The following PXN variants were observed in gnomAD, a reference collection of about 807,000 sequenced individuals.
PXN encodes testicular tissue protein Li 134.
Under a neutral mutation model 103.6 loss-of-function variants are expected in PXN, and 61 were observed. The ratio of observed to expected loss-of-function variants is 0.59; its 90% CI spans 0.48 to 0.73. The LOEUF (loss-of-function observed/expected upper bound fraction) is 0.73. Among genes scored for constraint, PXN ranks in the 30% least tolerant of loss-of-function variants. The pLI, the probability that PXN is intolerant of heterozygous loss-of-function variation, is 0.00. For missense variants in PXN, 1,274 were observed against 1,460.3 expected (o/e 0.87, Z 2.08); for synonymous variants, 562 against 607.8 (o/e 0.92, Z 1.11).
chr12:120,214,096 C>T lies in PXN; in HGVS notation c.2830+40G>A. ...CTCCCACCCCCACCTCCCCGGCCCT[C>T]CTAAGAGGCGGTGGGTCAGTCCGCC... On this transcript the variant is annotated intron_variant, in intron 13 of 14. Transcript: ENST00000637617. The surrounding 1 kb of genome is among the most constrained non-coding windows in gnomAD (Gnocchi z 5.0). 6.4e-7 allele frequency: 1 copy of T among 1,557,196 alleles called. No homozygotes were observed. The highest frequency in any genetic ancestry group is 1.7e-4 in the Middle Eastern group (1 of 5,952).
At chr12:120,234,850 C>T (rs934736495) in intron 1 of PXN, among the ~76,000 whole-genome samples, 1 of 152,218 alleles carries the variant, frequency 6.6e-6, no homozygotes, top group Admixed American at 6.5e-5. Flanking sequence ...AATAGATCCA[C>T]ATCACTGATT....
chr12:120,221,765 G>T lies in PXN; in HGVS notation c.696-7C>A. ...GTTCACAGTGATGGCAGGGCTGCAG[G>T]GTGGGCACAGCATCAGTGGGGAGCC... is the stretch of plus-strand genomic sequence containing the variant. On this transcript the variant is annotated splice_region_variant and splice_polypyrimidine_tract_variant and intron_variant, in intron 5 of 14. Coordinates refer to ENST00000637617, the MANE Select transcript of PXN (RefSeq NM_001385981.1). The surrounding 1 kb of genome is among the most constrained non-coding windows in gnomAD (Gnocchi z 6.6). 1 of 1,560,498 alleles carries T rather than the reference G, an allele frequency of 6.4e-7. No homozygotes were observed.
intron 1 of PXN, among the ~76,000 whole-genome samples, chr12:120,246,941 T>C (rs1891270736): frequency 6.6e-6 from 1 of 151,082 alleles, no homozygotes; most frequent in South Asian, 2.1e-4. Context: ...GGCAGGAGGA[T>C]CACTTGAGCC....
At chr12:120,218,042 AT>A (rs1167466002) in intron 7 of PXN, among the ~76,000 whole-genome samples, 11,815 of 99,194 alleles carry the variant, frequency 0.12, 419 homozygotes, top group East Asian at 0.38. Context: ...AGCTTGGGGG[AT>A]TTTTTTTTTT....
At position 120,214,775 on chromosome 12, in the gene PXN, G is replaced by A. The variant is rs1882013480; in HGVS notation, c.2748+50C>T. ...CCCCCTGCATCCTCAGAGGGCTGCG[G>A]TGAAGCTGGAATGAGCGGAAGCGGG... On this transcript the variant is annotated intron_variant, in intron 12 of 14. Transcript: ENST00000637617. The surrounding 1 kb of genome is among the most constrained non-coding windows in gnomAD (Gnocchi z 5.0). 1.9e-6 allele frequency: 3 copies of A among 1,604,552 alleles called. No homozygotes were observed. Among genetic ancestry groups the A allele is most frequent in the African/African-American group, 1.3e-5 (1 of 74,920 alleles).
intron 1 of PXN, among the ~76,000 whole-genome samples, chr12:120,248,908 G>A (rs534030571): frequency 1.5e-4 from 23 of 152,156 alleles, no homozygotes; most frequent in African/African-American, 4.1e-4. Flanking sequence ...AGGCTGAGGC[G>A]GGTGGATCAC....
rs1884935797 is a variant in PXN, at chr12:120,220,888, A to G, written c.831+735T>C. On this transcript the variant is annotated intron_variant, in intron 6 of 14. Transcript: ENST00000637617. The surrounding 1 kb of genome is among the most constrained non-coding windows in gnomAD (Gnocchi z 6.1). ...CCTAGGTCATGCCCCAAAGGTCTCC[A>G]GCTGACCCACGTGGAAGTATGAAGT... 6.6e-6 allele frequency among the ~76,000 whole-genome samples: 1 copy of G among 152,188 alleles called. No individual in the cohort carries two copies. Among genetic ancestry groups the G allele is most frequent in the African/African-American group, 2.4e-5 (1 of 41,444 alleles).
At position 120,265,368 on chromosome 12, in the gene PXN, G is replaced by C. The variant is rs1275839236; in HGVS notation, c.13+249C>G. On this transcript the variant is annotated intron_variant, in intron 1 of 14. Transcript: ENST00000637617. This position sits in a 1 kb window ranked among gnomAD's most constrained non-coding sequence, Gnocchi z 5.7. Reference sequence around the variant, plus strand: ...GAGATGGTGATGGGTCCCCGAGGTCGGGGGTCCAGAGGTGAAGCCGTCCCA... The same window carrying C: ...GAGATGGTGATGGGTCCCCGAGGTCCGGGGTCCAGAGGTGAAGCCGTCCCA... 6.6e-6 allele frequency among the ~76,000 whole-genome samples: 1 copy of C among 152,132 alleles called. No individual in the cohort carries two copies. Among genetic ancestry groups the C allele is most frequent in the African/African-American group, 2.4e-5 (1 of 41,442 alleles).
chr12:120,233,892 T>C (rs58849749), intron 1 of PXN, among the ~76,000 whole-genome samples: 217 of 152,260 alleles, frequency 1.4e-3, no homozygotes, highest in African/African-American at 5.1e-3. Context: ...ACCTCTATCA[T>C]CATTCACCTG....
rs770644352 is a variant in PXN, at chr12:120,212,193, G to T, written c.*121C>A. ...GGCCCTCTGTCCATCCCGCACCAGC[G>T]GAGGACAAGGGTTCCAGTTTCAGTC... is the stretch of plus-strand genomic sequence containing the variant. On this transcript the variant is annotated 3_prime_UTR_variant, in exon 15 of 15. Transcript: ENST00000637617. The surrounding 1 kb of genome is among the most constrained non-coding windows in gnomAD (Gnocchi z 7.2). The T allele has an allele frequency of 7.2e-7, 1 of 1,392,288 alleles. No homozygotes were observed. The highest frequency in any genetic ancestry group is 2.1e-5 in the Admixed American group (1 of 48,220). 86.2% of individuals were successfully genotyped at this position (1,392,288 alleles called of 1,614,324 possible).
chr12:120,235,968 A>T (rs929229603), intron 1 of PXN, among the ~76,000 whole-genome samples: 2 of 152,208 alleles, frequency 1.3e-5, no homozygotes, highest in Non-Finnish European at 2.9e-5. Context: ...CACTGTAGGC[A>T]CCAAACCAGC....
chr12:120,253,236 G>A (rs1216572505), intron 1 of PXN, among the ~76,000 whole-genome samples: 1 of 152,116 alleles, frequency 6.6e-6, no homozygotes, highest in Non-Finnish European at 1.5e-5. Context: ...TCTTTGGAAG[G>A]CCAAGGCAGG....
In PXN at chr12:120,215,093, C is replaced by A. The variant is rs1487348462; in HGVS notation, c.2574+10G>T. ...CACTGGCCACACCCCTGCCCACTCC[C>A]CCTCATCACCTGCCCGGCGATGGGC... On this transcript the variant is annotated intron_variant, in intron 11 of 14. Transcript: ENST00000637617. The surrounding 1 kb of genome is among the most constrained non-coding windows in gnomAD (Gnocchi z 4.9). 6.3e-7 allele frequency: 1 copy of A among 1,584,446 alleles called. No homozygotes were observed. The highest frequency in any genetic ancestry group is 1.2e-5 in the South Asian group (1 of 86,632).
At chr12:120,223,057 T>C in intron 3 of PXN, 58 bp from the exon 4 acceptor site, 1 of 1,611,768 alleles carries the variant, frequency 6.2e-7, no homozygotes, top group Non-Finnish European at 8.5e-7. Flanking sequence ...TGTACTGGCT[T>C]GGCAGTTCCC....
chr12:120,255,396 T>C (rs910816018), intron 1 of PXN, among the ~76,000 whole-genome samples: 1 of 152,108 alleles, frequency 6.6e-6, no homozygotes, highest in African/African-American at 2.4e-5. Flanking sequence ...TCAGACTGTG[T>C]TAAAATTTAA....
chr12:120,240,951 TTC>T (rs1316380001), intron 1 of PXN, among the ~76,000 whole-genome samples: 2 of 152,140 alleles, frequency 1.3e-5, no homozygotes, highest in East Asian at 1.9e-4. Flanking sequence ...GTATTCCACA[TTC>T]TCTTTTTTTC....
At position 120,212,601 on chromosome 12, in the gene PXN, C is replaced by A; in HGVS notation, c.2980-21G>T. On this transcript the variant is annotated intron_variant, in intron 14 of 14. Coordinates refer to ENST00000637617, the MANE Select transcript of PXN (RefSeq NM_001385981.1). This position sits in a 1 kb window ranked among gnomAD's most constrained non-coding sequence, Gnocchi z 7.2. ...CATTCCTGCCAGGCGGAGAGAGGGG[C>A]TCAGGGAGCTGCCCCTCGGGCTAGA... is the stretch of plus-strand genomic sequence containing the variant. 6.2e-7 allele frequency: 1 copy of A among 1,604,396 alleles called. No homozygotes were observed. The highest frequency in any genetic ancestry group is 1.1e-5 in the South Asian group (1 of 90,500).
At chr12:120,233,436 A>G (rs1888443058) in intron 1 of PXN, among the ~76,000 whole-genome samples, 1 of 152,074 alleles carries the variant, frequency 6.6e-6, no homozygotes, top group Admixed American at 6.6e-5. Flanking sequence ...TCTCCCAAGT[A>G]GCTGGAACTA....
At position 120,216,791 on chromosome 12, in the gene PXN, C is replaced by G; in HGVS notation, c.1992+50G>C. 6.3e-7 allele frequency: 1 copy of G among 1,579,076 alleles called. No homozygotes were observed. The highest frequency in any genetic ancestry group is 8.5e-7 in the Non-Finnish European group (1 of 1,174,074). On this transcript the variant is annotated intron_variant, in intron 8 of 14. Transcript: ENST00000637617. The surrounding 1 kb of genome is among the most constrained non-coding windows in gnomAD (Gnocchi z 5.1). ...CTGGGGCCAGGGAAGAACCCGGACC[C>G]CAGGTGCTTGGCTCTGGCCCAGCCC... is the stretch of plus-strand genomic sequence containing the variant.
Sources: allele counts gnomAD v4.1 joint callset (sites outside exome capture counted in the v4.1 genomes callset), GRCh38; gene constraint gnomAD v4.1.1; non-coding constraint Gnocchi (gnomAD v3.1); transcripts MANE v1.5; gene names NCBI Gene and HGNC (gene_info 2026-07-23, HGNC 2026-07-21).